The following MYH9 variants were observed in gnomAD, a reference collection of about 807,000 sequenced individuals.
The protein encoded by MYH9 is myosin heavy chain 9.
MYH9 carries 29 observed loss-of-function variants against 241.9 expected under a neutral mutation model. That is an observed-to-expected ratio of 0.12 (90% CI 0.09 to 0.16). The LOEUF is 0.16. MYH9 is among the 10% of genes least tolerant of loss of function. The pLI, the probability that MYH9 is intolerant of heterozygous loss-of-function variation, is 1.00. For missense variants in MYH9, 1,803 were observed against 2,595.5 expected, an observed-to-expected ratio of 0.69 and a Z score of 6.63; for synonymous variants, 1,047 against 1,062.6, an observed-to-expected ratio of 0.99 and a Z score of 0.29.
At chr22:36,316,452 A>G in intron 12 of MYH9, 65 bp downstream of exon 12, 13 of 1,610,666 alleles carry the variant, frequency 8.1e-6, no homozygotes, top group Non-Finnish European at 1.1e-5. Context: ...AGGGTTCTTA[A>G]CCAAGGATAA....
chr22:36,300,332 G>A lies in MYH9; in HGVS notation c.2839-68C>T, dbSNP rs2016856830. ...GCATGGCCAAGGTGAAGGCAGCAAG[G>A]TCCGAAGGCCAGATCCAAACGCCAA... is the stretch of plus-strand genomic sequence containing the variant. On this transcript the variant is annotated intron_variant, in intron 22 of 40. Transcript: ENST00000216181. The surrounding 1 kb of genome is among the most constrained non-coding windows in gnomAD (Gnocchi z 5.0). The A allele has an allele frequency of 6.2e-7, 1 of 1,600,054 alleles. No individual in the cohort carries two copies. The highest frequency in any genetic ancestry group is 1.7e-4 in the Middle Eastern group (1 of 6,002).
chr22:36,329,334 G>A lies in MYH9; in HGVS notation c.491-1846C>T, dbSNP rs1168113636. Among the ~76,000 whole-genome samples, 1 of 152,192 alleles carries A rather than the reference G, an allele frequency of 6.6e-6. No individual in the cohort carries two copies. Among genetic ancestry groups the A allele is most frequent in the Non-Finnish European group, 1.5e-5 (1 of 68,034 alleles). ...ACAGAGATTAGAGACCTGCATCCTC[G>A]ACTAGACAGACGGGAAGACAGAAGG... On this transcript the variant is annotated intron_variant, in intron 3 of 40. Transcript: ENST00000216181. This position sits in a 1 kb window ranked among gnomAD's most constrained non-coding sequence, Gnocchi z 4.1.
intron 23 of MYH9, among the ~76,000 whole-genome samples, chr22:36,299,916 C>T (rs932636860): frequency 7.2e-5 from 11 of 152,218 alleles, no homozygotes; most frequent in African/African-American, 2.7e-4. Context: ...AGGACAAACC[C>T]TTCCCCAGGG....
At chr22:36,318,402 A>C (rs2017194395) in intron 10 of MYH9, 77 bp from the exon 11 acceptor site, 1 of 1,153,240 alleles carries the variant, frequency 8.7e-7, no homozygotes, top group African/African-American at 1.5e-5. Context: ...ATTAGACCCA[A>C]GAGAATAAGT....
At chr22:36,378,001 G>A (rs577205531) in intron 1 of MYH9, among the ~76,000 whole-genome samples, 59 of 152,084 alleles carry the variant, frequency 3.9e-4, no homozygotes, top group African/African-American at 1.4e-3. Context: ...GAAGCTGGAC[G>A]AGGTGGCTCA....
At chr22:36,292,908 G>A (rs185447491) in intron 30 of MYH9, among the ~76,000 whole-genome samples, 150 of 152,204 alleles carry the variant, frequency 9.9e-4, no homozygotes, top group Non-Finnish European at 5.6e-4. Flanking sequence ...AGGAAGCCAC[G>A]TGCTGCTAGA....
At chr22:36,354,196 C>T (rs2017815553) in intron 1 of MYH9, among the ~76,000 whole-genome samples, 1 of 151,936 alleles carries the variant, frequency 6.6e-6, no homozygotes, top group African/African-American at 2.4e-5. Context: ...GCCACCACAC[C>T]CAGCCTCAGA....
chr22:36,320,807 G>A lies in MYH9; in HGVS notation c.859C>T (p.His287Tyr), dbSNP rs727503291. 6.2e-7 allele frequency: 1 copy of A among 1,613,418 alleles called. No homozygotes were observed. Residue 287 changes from histidine (H) to tyrosine (Y), a missense_variant, in exon 8 of 41, where the codon CAC (histidine) becomes TAC (tyrosine). Physicochemically the swap from His to Tyr is moderately conservative, Grantham distance 83. This residue lies in a region of MYH9 where 222 missense variants were observed against 359.9 expected (regional missense o/e 0.62). Transcript: ENST00000216181. The surrounding 1 kb of genome is among the most constrained non-coding windows in gnomAD (Gnocchi z 4.8). ...FYYLLSGAGE[H>Y]LKTDLLLEPY... The stretch of plus-strand genomic sequence containing the variant: ...CAGGCCAACTACTCACTCTTCAGGT[G>A]CTCTCCAGCCCCAGACAGGAGATAA...
chr22:36,314,460 G>T, intron 12 of MYH9, 142 bp from the exon 13 acceptor site: 1 of 1,038,868 alleles, frequency 9.6e-7, no homozygotes, highest in Non-Finnish European at 1.4e-6. Context: ...GAGCCCGGAT[G>T]CTCCTGGCCT....
chr22:36,320,235 C>T lies in MYH9; in HGVS notation c.997G>A (p.Glu333Lys). 1 of 1,614,216 alleles carries T rather than the reference C, an allele frequency of 6.2e-7. No homozygotes were observed. Among genetic ancestry groups the T allele is most frequent in the Non-Finnish European group, 8.5e-7 (1 of 1,180,042 alleles). Residue 333 changes from glutamate to lysine, a missense_variant, in exon 9 of 41, where the codon GAA becomes AAA. Physicochemically the swap from Glu to Lys is moderately conservative, Grantham distance 56 (BLOSUM62 1). Coordinates refer to ENST00000216181, the MANE Select transcript of MYH9 (RefSeq NM_002473.6). This position sits in a 1 kb window ranked among gnomAD's most constrained non-coding sequence, Gnocchi z 4.8. ...MEAMRIMGIP[E>K]EEQMGLLRVI... Reference sequence around the variant, plus strand: ...AGCCCTGTACCCATTTGCTCCTCTTCTGGGATGCCCATAATCCTCATGGCC... The same window carrying T: ...AGCCCTGTACCCATTTGCTCCTCTTTTGGGATGCCCATAATCCTCATGGCC...
rs551080422 is a variant in MYH9 at position 36,305,726 on chromosome 22, C to T, written c.2159+204G>A. 1.3e-5 allele frequency among the ~76,000 whole-genome samples: 2 copies of T among 152,286 alleles called. No homozygotes were observed. Among genetic ancestry groups the T allele is most frequent in the East Asian group, 3.9e-4 (2 of 5,194 alleles). ...AACAGGATGATGATGACCTGCATTTCGGTATTAAAATGGGGAAGTCTCCTT... is the reference window on the plus strand; with the variant it reads ...AACAGGATGATGATGACCTGCATTTTGGTATTAAAATGGGGAAGTCTCCTT... On this transcript the variant is annotated intron_variant, in intron 17 of 40. Coordinates refer to ENST00000216181, the MANE Select transcript of MYH9 (RefSeq NM_002473.6). The surrounding 1 kb of genome is among the most constrained non-coding windows in gnomAD (Gnocchi z 4.7).
At position 36,316,475 on chromosome 22, in the gene MYH9, G is replaced by A. The variant is rs371194104; in HGVS notation, c.1380+42C>T. The A allele has an allele frequency of 3.1e-6, 5 of 1,613,896 alleles. No homozygotes were observed. In the African/African-American group the frequency reaches 4.0e-5, roughly 13 times the overall value. On this transcript the variant is annotated intron_variant, in intron 12 of 40. Coordinates refer to ENST00000216181, the MANE Select transcript of MYH9 (RefSeq NM_002473.6). ...TAACCAAGGATAAGGCAACCAACAG[G>A]CCAAGGAGGCAGCAGGGTGGGTAAT...
rs757694730 is a variant in MYH9, at chr22:36,289,217, C to G, written c.4425G>C (p.Glu1475Asp). Residue 1475 changes from glutamate (E) to aspartate (D), a missense_variant, in exon 32 of 41, where the codon GAG (glutamate) becomes GAC (aspartate). Coordinates refer to ENST00000216181, the MANE Select transcript of MYH9 (RefSeq NM_002473.6). The part of the protein sequence containing the change: ...DRAEAEAREK[E>D]TKALSLARAL... ...CCCGGGCCAGCGACAGAGCCTTGGT[C>G]TCCTTCTCTCGGGCCTCCGCCTCAG... 9 of 1,613,272 alleles carry G rather than the reference C, an allele frequency of 5.6e-6. No individual in the cohort carries two copies. The highest frequency in any genetic ancestry group is 1.6e-4 in the Middle Eastern group (1 of 6,062).
chr22:36,321,242 G>A (rs1210016012), intron 7 of MYH9, among the ~76,000 whole-genome samples: 8 of 152,164 alleles, frequency 5.3e-5, no homozygotes, highest in Non-Finnish European at 1.2e-4. Flanking sequence ...ACTGTGCCTG[G>A]CCAGCCTTCC....
chr22:36,319,206 T>C (rs1466111530), intron 10 of MYH9, among the ~76,000 whole-genome samples: 1 of 152,146 alleles, frequency 6.6e-6, no homozygotes. Flanking sequence ...AAGGACATAA[T>C]TTCAAGATCT....
intron 14 of MYH9, among the ~76,000 whole-genome samples, chr22:36,310,162 AG>A (rs1422242165): frequency 6.7e-6 from 1 of 149,268 alleles, no homozygotes; most frequent in African/African-American, 2.4e-5. Context: ...CTCAGCCCCT[AG>A]GGGGGCTGAG....
rs1428598809 is a variant in MYH9 at position 36,338,697 on chromosome 22, G to C, written c.490+2673C>G. 1.3e-5 allele frequency among the ~76,000 whole-genome samples: 2 copies of C among 151,986 alleles called. 1 individual carries two copies. The highest frequency in any genetic ancestry group is 3.9e-4 in the East Asian group (2 of 5,166). ...TAGCCAGGCGTGGTAGCATGCACCTGTAATCCCAGCTACTCAGGAGGCTGA... is the reference window on the plus strand; with the variant it reads ...TAGCCAGGCGTGGTAGCATGCACCTCTAATCCCAGCTACTCAGGAGGCTGA... On this transcript the variant is annotated intron_variant, in intron 3 of 40. Coordinates refer to ENST00000216181, the MANE Select transcript of MYH9 (RefSeq NM_002473.6).
In MYH9 at chr22:36,285,382, G is replaced by T; in HGVS notation, c.5275-53C>A. 1 of 1,562,598 alleles carries T rather than the reference G, an allele frequency of 6.4e-7. No individual in the cohort carries two copies. The highest frequency in any genetic ancestry group is 1.1e-5 in the South Asian group (1 of 90,182). On this transcript the variant is annotated intron_variant, in intron 37 of 40. Transcript: ENST00000216181. This position sits in a 1 kb window ranked among gnomAD's most constrained non-coding sequence, Gnocchi z 7.0. ...GGAGGGCTGGGGCCCTGGCTGGAGG[G>T]CATGAGCAGGGCCAGAGGAAGGTGG...
At chr22:36,375,244 G>A (rs2018148140) in intron 1 of MYH9, among the ~76,000 whole-genome samples, 1 of 152,166 alleles carries the variant, frequency 6.6e-6, no homozygotes. Flanking sequence ...CAGGTTGCCT[G>A]GCTAGCTGGT....
Sources: allele counts gnomAD v4.1 joint callset (sites outside exome capture counted in the v4.1 genomes callset), GRCh38; gene constraint gnomAD v4.1.1; regional missense constraint gnomAD v4.1.1; non-coding constraint Gnocchi (gnomAD v3.1); transcripts MANE v1.5; gene names NCBI Gene and HGNC (gene_info 2026-07-23, HGNC 2026-07-21).